The following DPYD variants were observed in gnomAD, a reference collection of about 807,000 sequenced individuals.
DPYD encodes dihydropyrimidine dehydrogenase.
DPYD carries 109 observed loss-of-function variants against 116.2 expected under a neutral mutation model. That is an observed-to-expected ratio of 0.94 (90% confidence interval 0.80 to 1.10). The LOEUF (loss-of-function observed/expected upper bound fraction) is 1.10. DPYD is among the 50% of genes least tolerant of loss of function. The pLI is 0.00. For missense variants in DPYD, 1,302 were observed against 1,254.5 expected (o/e 1.04, Z -0.57); for synonymous variants, 440 against 432.0 (o/e 1.02, Z -0.23).
Position 97,193,113 on chromosome 1 carries a change from G to A in DPYD, c.2578C>T (p.Gln860Ter). ...DGQSPATVSH[Q>*]KGKPVPRIAE... Reference sequence around the variant, plus strand: ...ATACGTGGAACTGGTTTCCCTTTCTGGTGACTCACAGTAGCTGGACTCTGT... The same window carrying A: ...ATACGTGGAACTGGTTTCCCTTTCTAGTGACTCACAGTAGCTGGACTCTGT... Residue 860 changes from glutamine (Q) to a stop codon, truncating the protein, a stop_gained, in exon 20 of 23, where the codon CAG becomes TAG. Transcript: ENST00000370192. LOFTEE classifies it high-confidence loss of function. 2 of 1,613,988 alleles carry A rather than the reference G, an allele frequency of 1.2e-6. No homozygotes were observed. Among genetic ancestry groups the A allele is most frequent in the Non-Finnish European group, 1.7e-6 (2 of 1,179,924 alleles).
intron 14 of DPYD, among the ~76,000 whole-genome samples, chr1:97,409,103 G>T (rs1304375304): frequency 6.6e-6 from 1 of 152,018 alleles, no homozygotes; most frequent in Non-Finnish European, 1.5e-5. Context: ...ATTTACATCA[G>T]ATATACATCT....
chr1:97,894,241 T>C (rs1430318358), intron 1 of DPYD, among the ~76,000 whole-genome samples: 1 of 151,770 alleles, frequency 6.6e-6, no homozygotes, highest in Non-Finnish European at 1.5e-5. Context: ...CTCTGTAGTC[T>C]TTTCTTATAA....
At chr1:97,707,444 TC>T (rs1662038954) in intron 5 of DPYD, among the ~76,000 whole-genome samples, 1 of 67,088 alleles carries the variant, frequency 1.5e-5, no homozygotes. Flanking sequence ...CCCTCCCCCC[TC>T]CCCCCACCCC....
At chr1:97,651,247 C>T (rs1438840485) in intron 8 of DPYD, among the ~76,000 whole-genome samples, 2 of 152,038 alleles carry the variant, frequency 1.3e-5, no homozygotes, top group Admixed American at 6.6e-5. Flanking sequence ...CCAACTGAGG[C>T]GATTTTATGA....
At chr1:97,690,336 G>A (rs1343510958) in intron 7 of DPYD, among the ~76,000 whole-genome samples, 1 of 151,932 alleles carries the variant, frequency 6.6e-6, no homozygotes, top group African/African-American at 2.4e-5. Context: ...TAATGGGTAT[G>A]CTCTAATTTA....
intron 16 of DPYD, among the ~76,000 whole-genome samples, chr1:97,315,546 A>G (rs1366293803): frequency 6.6e-6 from 1 of 151,900 alleles, no homozygotes; most frequent in Non-Finnish European, 1.5e-5. Context: ...TGATTCCTGG[A>G]GGACTCAACT....
At chr1:97,568,586 T>C (rs1056380960) in intron 11 of DPYD, among the ~76,000 whole-genome samples, 2 of 152,068 alleles carry the variant, frequency 1.3e-5, no homozygotes, top group African/African-American at 4.8e-5. Context: ...ATATACCAGA[T>C]AGACTCTAAT....
At chr1:97,303,567 T>C (rs536697700) in intron 18 of DPYD, among the ~76,000 whole-genome samples, 1 of 152,176 alleles carries the variant, frequency 6.6e-6, no homozygotes, top group African/African-American at 2.4e-5. Flanking sequence ...CTAAAATATA[T>C]TATCATTGCC....
intron 20 of DPYD, among the ~76,000 whole-genome samples, chr1:97,111,127 TGGCTCTAGTCCAA>T (rs1287580354): frequency 6.6e-6 from 1 of 152,114 alleles, no homozygotes; most frequent in Non-Finnish European, 1.5e-5. Flanking sequence ...TCCATTGATA[TGGCTCTAGTCCAA>T]GGCTCAATTG....
intron 11 of DPYD, among the ~76,000 whole-genome samples, chr1:97,571,827 G>T (rs1202814399): frequency 6.6e-6 from 1 of 151,832 alleles, no homozygotes; most frequent in African/African-American, 2.4e-5. Flanking sequence ...AAATCCTATT[G>T]AGTAAGATCT....
At chr1:97,308,695 G>A (rs1051258655) in intron 16 of DPYD, among the ~76,000 whole-genome samples, 1 of 151,810 alleles carries the variant, frequency 6.6e-6, no homozygotes, top group African/African-American at 2.4e-5. Context: ...GCAATTAGTA[G>A]TGTTTCTACA....
chr1:97,650,001 T>C (rs990629381), intron 8 of DPYD, among the ~76,000 whole-genome samples: 1 of 152,066 alleles, frequency 6.6e-6, no homozygotes, highest in Non-Finnish European at 1.5e-5. Context: ...TTTTTCCAAA[T>C]GCAAATCTGA....
At chr1:97,162,160 G>T (rs371125957) in intron 20 of DPYD, among the ~76,000 whole-genome samples, 2 of 151,884 alleles carry the variant, frequency 1.3e-5, no homozygotes, top group Non-Finnish European at 2.9e-5. Flanking sequence ...GACTTCCACA[G>T]TGGTTGAACT....
At position 97,525,413 on chromosome 1, in the gene DPYD, C is replaced by T. The variant is rs193182917; in HGVS notation, c.1525-9472G>A. Among the ~76,000 whole-genome samples, 485 of 152,248 alleles carry T rather than the reference C, an allele frequency of 3.2e-3. 1 individual carries two copies. The highest frequency in any genetic ancestry group is 4.7e-3 in the Non-Finnish European group (319 of 68,012). Reference sequence around the variant, plus strand: ...CCTCCTCAGCTTCCCACAAGCAAAGCTGCTTCCTAATCGTACTCTGTACTT... The same window carrying T: ...CCTCCTCAGCTTCCCACAAGCAAAGTTGCTTCCTAATCGTACTCTGTACTT... On this transcript the variant is annotated intron_variant, in intron 12 of 22. Coordinates refer to ENST00000370192, the MANE Select transcript of DPYD (RefSeq NM_000110.4).
At chr1:97,649,262 C>T (rs1658445068) in intron 8 of DPYD, among the ~76,000 whole-genome samples, 1 of 152,030 alleles carries the variant, frequency 6.6e-6, no homozygotes, top group South Asian at 2.1e-4. Flanking sequence ...TAAAGATTTT[C>T]AGCTACATAA....
intron 16 of DPYD, among the ~76,000 whole-genome samples, chr1:97,316,508 T>C (rs542504679): frequency 2.2e-4 from 20 of 91,634 alleles, no homozygotes; most frequent in Non-Finnish European, 5.1e-4. Context: ...AGCAAGACTC[T>C]GTCTCAATAA....
intron 18 of DPYD, among the ~76,000 whole-genome samples, chr1:97,259,072 C>A (rs769324824): frequency 3.9e-5 from 6 of 152,086 alleles, no homozygotes; most frequent in Non-Finnish European, 7.4e-5. Flanking sequence ...TGGGTAAATA[C>A]CTGAGGCTAA....
intron 18 of DPYD, among the ~76,000 whole-genome samples, chr1:97,277,948 T>A (rs1329580277): frequency 6.6e-6 from 1 of 152,206 alleles, no homozygotes; most frequent in East Asian, 1.9e-4. Context: ...ACACCATGCA[T>A]CCTTATTGCT....
At chr1:97,556,325 CTT>C (rs112978529) in intron 11 of DPYD, among the ~76,000 whole-genome samples, 1 of 150,574 alleles carries the variant, frequency 6.6e-6, no homozygotes, top group African/African-American at 2.4e-5. Flanking sequence ...TTTCTATTCC[CTT>C]TTTTTTTATT....
Sources: gnomAD v4.1 joint callset for allele counts (sites outside exome capture counted in the v4.1 genomes callset) on GRCh38, gnomAD v4.1.1 for gene constraint, MANE v1.5 for transcripts, NCBI Gene and HGNC (gene_info 2026-07-23, HGNC 2026-07-21) for gene names.